The following EFCAB9 variants were observed in gnomAD, a reference collection of about 807,000 sequenced individuals.
EFCAB9 encodes EF-hand calcium binding domain 9, also known as EF-hand calcium-binding domain-containing protein 9.
Under a neutral mutation model 15.6 loss-of-function variants are expected in EFCAB9, and 16 were observed. That is an observed-to-expected ratio of 1.03 (90% CI 0.69 to 1.56). The LOEUF (loss-of-function observed/expected upper bound fraction) is 1.56. EFCAB9 is among the 40% of genes most tolerant of loss of function. The pLI is 0.00. For missense variants in EFCAB9, 208 were observed against 235.4 expected (o/e 0.88, Z 0.76); for synonymous variants, 76 against 85.4 (o/e 0.89, Z 0.61).
intron 1 of EFCAB9, among the ~76,000 whole-genome samples, chr5:172,194,768 A>G (rs942685005): frequency 6.6e-6 from 1 of 152,060 alleles, no homozygotes; most frequent in Non-Finnish European, 1.5e-5. Flanking sequence ...GACACGGGGG[A>G]CAGTTCAGCC....
At chr5:172,195,026 T>C (rs925232817) in intron 1 of EFCAB9, among the ~76,000 whole-genome samples, 1 of 152,096 alleles carries the variant, frequency 6.6e-6, no homozygotes, top group Non-Finnish European at 1.5e-5. Flanking sequence ...ATTATTATTC[T>C]TGGGAGCTGA....
chr5:172,195,493 C>T (rs926050176), intron 1 of EFCAB9, among the ~76,000 whole-genome samples: 1 of 152,220 alleles, frequency 6.6e-6, no homozygotes, highest in African/African-American at 2.4e-5. Flanking sequence ...TAACCCTGCC[C>T]TAGATAAGGC....
At chr5:172,195,839 G>C (rs747347090) in intron 1 of EFCAB9, among the ~76,000 whole-genome samples, 4 of 151,976 alleles carry the variant, frequency 2.6e-5, no homozygotes, top group Admixed American at 6.6e-5. Flanking sequence ...ACGGAGTCTC[G>C]CTCTGTCGCC....
chr5:172,197,879 GTCCATTTAACAGAGTGCTGATTGC>G (rs1436350554), intron 1 of EFCAB9, among the ~76,000 whole-genome samples: 1 of 152,132 alleles, frequency 6.6e-6, no homozygotes, highest in Non-Finnish European at 1.5e-5. Flanking sequence ...CTGCTGATTG[GTCCATTTAACAGAGTGCTGATTGC>G]TCCATTTTAC....
At position 172,199,076 on chromosome 5, in the gene EFCAB9, C is replaced by T. The variant is rs149618877; in HGVS notation, c.137-307C>T. ...GCCCATTTTATATGTTAGCGCCTTGCCTTTTATCAGTGCTGTGTACATATC... is the reference window on the plus strand; with the variant it reads ...GCCCATTTTATATGTTAGCGCCTTGTCTTTTATCAGTGCTGTGTACATATC... On this transcript the variant is annotated intron_variant, in intron 1 of 3. Coordinates refer to ENST00000398186, the MANE Select transcript of EFCAB9 (RefSeq NM_001171183.2). 6.0e-4 allele frequency among the ~76,000 whole-genome samples: 91 copies of T among 152,314 alleles called. No individual in the cohort carries two copies. The East Asian group carries it at 0.015, about 25-fold the overall frequency.
chr5:172,199,153 C>T (rs909596403), intron 1 of EFCAB9, among the ~76,000 whole-genome samples: 2 of 152,006 alleles, frequency 1.3e-5, no homozygotes, highest in Non-Finnish European at 2.9e-5. Context: ...GCCCTGTCCA[C>T]GATCTCATTC....
intron 1 of EFCAB9, among the ~76,000 whole-genome samples, chr5:172,195,191 T>TAAATAAATAAATAA (rs1561841941): frequency 2.3e-4 from 34 of 148,996 alleles, no homozygotes; most frequent in African/African-American, 6.9e-4. Context: ...TAAAAATAAA[T>TAAATAAATAAATAA]AAATAAATAA....
At position 172,199,069 on chromosome 5, in the gene EFCAB9, C is replaced by T. The variant is rs532239262; in HGVS notation, c.137-314C>T. The stretch of plus-strand genomic sequence containing the variant: ...ACTTTGTGCCCATTTTATATGTTAG[C>T]GCCTTGCCTTTTATCAGTGCTGTGT... On this transcript the variant is annotated intron_variant, in intron 1 of 3. Transcript: ENST00000398186. Among the ~76,000 whole-genome samples the T allele has an allele frequency of 1.4e-4, 22 of 152,308 alleles. No homozygotes were observed. In the South Asian group the frequency reaches 1.9e-3, roughly 13 times the overall value.
At chr5:172,195,187 T>TAA (rs1314436945) in intron 1 of EFCAB9, among the ~76,000 whole-genome samples, 158 of 99,136 alleles carry the variant, frequency 1.6e-3, no homozygotes, top group Admixed American at 5.4e-3. Context: ...TAAATAAAAA[T>TAA]AAATAAATAA....
chr5:172,199,583 T>G (rs1212049782), intron 2 of EFCAB9, 52 bp downstream of exon 2: 2 of 1,525,712 alleles, frequency 1.3e-6, no homozygotes, highest in East Asian at 4.9e-5. Context: ...AGCACTGAAT[T>G]AGGAATGCAT....
At chr5:172,202,687 G>A (rs1771276274) in intron 3 of EFCAB9, among the ~76,000 whole-genome samples, 1 of 151,408 alleles carries the variant, frequency 6.6e-6, no homozygotes, top group Admixed American at 6.6e-5. Flanking sequence ...CAGCCTGGGT[G>A]ACCAAGTGAG....
chr5:172,200,772 T>C (rs1210131094), intron 3 of EFCAB9, 30 bp downstream of exon 3: 31 of 1,516,432 alleles, frequency 2.0e-5, no homozygotes, highest in Non-Finnish European at 2.7e-5. Flanking sequence ...GTGGCATGTG[T>C]GTGGCAGTCT....
rs574974364 is a variant in EFCAB9, at chr5:172,200,561, A to G, written c.286-5A>G. On this transcript the variant is annotated splice_region_variant and splice_polypyrimidine_tract_variant and intron_variant, in intron 2 of 3. Transcript: ENST00000398186. ...TGCTCATCTCACCTATTTCTCTCGC[A>G]ATAGAACCATTTGGAAGGACAGTTT... The G allele has an allele frequency of 1.8e-5, 28 of 1,534,890 alleles. No homozygotes were observed. The African/African-American group carries it at 2.7e-4, about 15-fold the overall frequency.
intron 3 of EFCAB9, among the ~76,000 whole-genome samples, chr5:172,202,527 G>T (rs931725284): frequency 6.6e-6 from 1 of 151,942 alleles, no homozygotes; most frequent in Admixed American, 6.6e-5. Flanking sequence ...GGCCAACATG[G>T]TGAAACCCTG....
chr5:172,197,046 CA>C (rs1209653971), intron 1 of EFCAB9, among the ~76,000 whole-genome samples: 1 of 151,796 alleles, frequency 6.6e-6, no homozygotes, highest in African/African-American at 2.4e-5. Context: ...TGGAAAAAAA[CA>C]CCACGGTGAG....
Position 172,194,218 on chromosome 5 carries a change from A to G in EFCAB9, c.46A>G (p.Lys16Glu). ...GSFLWYLYLD[K>E]IYCLLSVRNV... ...GTTTCTGTGGTACCTCTATCTGGAC[A>G]AAATATACTGCTTATTATCCGTGAG... The change falls in exon 1 of 4, where the codon AAA (lysine) becomes GAA (glutamate). Residue 16 changes from lysine (K) to glutamate (E), a missense_variant. Lys to Glu is a moderately conservative substitution (Grantham distance 56). Coordinates refer to ENST00000398186, the MANE Select transcript of EFCAB9 (RefSeq NM_001171183.2). 1.3e-6 allele frequency: 2 copies of G among 1,537,704 alleles called. No homozygotes were observed. Among genetic ancestry groups the G allele is most frequent in the Non-Finnish European group, 1.7e-6 (2 of 1,147,020 alleles).
intron 1 of EFCAB9, among the ~76,000 whole-genome samples, chr5:172,198,639 C>T (rs187678612): frequency 2.5e-4 from 38 of 152,298 alleles, no homozygotes; most frequent in African/African-American, 8.2e-4. Flanking sequence ...GTTTTTGAGA[C>T]GGAGTCTTGG....
intron 3 of EFCAB9, among the ~76,000 whole-genome samples, chr5:172,201,370 G>A (rs1390882920): frequency 1.3e-5 from 2 of 149,078 alleles, no homozygotes; most frequent in Admixed American, 6.7e-5. Context: ...GGGAAACTCC[G>A]ACTTAAAAAC....
At chr5:172,194,881 T>G (rs1771133173) in intron 1 of EFCAB9, among the ~76,000 whole-genome samples, 1 of 151,948 alleles carries the variant, frequency 6.6e-6, no homozygotes, top group Admixed American at 6.6e-5. Flanking sequence ...CTCATTTTCC[T>G]CATCTAGAGG....
Sources: gnomAD v4.1 joint callset for allele counts (sites outside exome capture counted in the v4.1 genomes callset) on GRCh38, gnomAD v4.1.1 for gene constraint, MANE v1.5 for transcripts, NCBI Gene and HGNC (gene_info 2026-07-23, HGNC 2026-07-21) for gene names.